The following KIFC3 variants were observed in gnomAD, a reference collection of about 807,000 sequenced individuals.
The protein encoded by KIFC3 is kinesin-like protein KIFC3.
Under a neutral mutation model 101.8 loss-of-function variants are expected in KIFC3, and 60 were observed. The ratio of observed to expected loss-of-function variants is 0.59; its 90% CI spans 0.48 to 0.73. The LOEUF (loss-of-function observed/expected upper bound fraction) is 0.73, where lower values mean the gene tolerates loss of function less well. Among genes scored for constraint, KIFC3 ranks in the 30% least tolerant of loss-of-function variants. The probability of loss-of-function intolerance (pLI) is 0.00; values close to 1 mark genes in which losing one functional copy is unlikely to be tolerated. For synonymous variants in KIFC3, 476 were observed against 482.7 expected (o/e 0.99, Z 0.18); for missense variants, 966 against 1,137.1 (o/e 0.85, Z 2.16).
intron 2 of KIFC3, among the ~76,000 whole-genome samples, chr16:57,796,005 T>C (rs1555622800): frequency 6.7e-6 from 1 of 150,230 alleles, no homozygotes; most frequent in Non-Finnish European, 1.5e-5. Context: ...GCAATTCTTA[T>C]ACCTCAGCCT....
At chr16:57,760,496 G>A (rs1179719311) in intron 16 of KIFC3, 80 bp from the exon 17 acceptor site, 5 of 1,533,142 alleles carry the variant, frequency 3.3e-6, no homozygotes, top group Non-Finnish European at 3.6e-6. Context: ...CACAGCTGGG[G>A]CCGTCAGAAG....
At chr16:57,801,602 C>T (rs2054726473) in intron 1 of KIFC3, among the ~76,000 whole-genome samples, 1 of 152,166 alleles carries the variant, frequency 6.6e-6, no homozygotes, top group Non-Finnish European at 1.5e-5. Flanking sequence ...GAGGAAAAGC[C>T]GGGGAAGGTG....
chr16:57,816,187 TTCA>T, intron 1 of KIFC3: 1 of 1,273,302 alleles, frequency 7.9e-7, no homozygotes, highest in Non-Finnish European at 1.0e-6. Context: ...CTTCTAATAG[TTCA>T]TCAAGTTCTC....
chr16:57,818,051 C>T (rs548628889), intron 1 of KIFC3, among the ~76,000 whole-genome samples: 5 of 151,078 alleles, frequency 3.3e-5, no homozygotes, highest in South Asian at 2.1e-4. Flanking sequence ...TGTTTTGAGA[C>T]AGAGTCTCAC....
intron 1 of KIFC3, among the ~76,000 whole-genome samples, chr16:57,800,888 T>C (rs1409633748): frequency 6.6e-6 from 1 of 152,020 alleles, no homozygotes. Flanking sequence ...CAACCTAGGA[T>C]TCGTGGGGGA....
chr16:57,786,155 G>A (rs1555617633), intron 3 of KIFC3, among the ~76,000 whole-genome samples: 2 of 152,176 alleles, frequency 1.3e-5, no homozygotes, highest in African/African-American at 4.8e-5. Flanking sequence ...GGGGAGCCAG[G>A]GGAGCCGTGT....
At chr16:57,812,188 G>A (rs1462061481) in intron 1 of KIFC3, among the ~76,000 whole-genome samples, 11 of 151,354 alleles carry the variant, frequency 7.3e-5, no homozygotes, top group African/African-American at 2.2e-4. Context: ...GACTACAGGC[G>A]CCCGCCACCT....
chr16:57,840,629 G>A (rs1241197701), intron 1 of KIFC3, among the ~76,000 whole-genome samples: 4 of 151,676 alleles, frequency 2.6e-5, no homozygotes, highest in Non-Finnish European at 5.9e-5. Context: ...CCATGGTGGC[G>A]CATGGCTGTA....
Position 57,762,216 on chromosome 16 carries a change from C to T in KIFC3, c.1672G>A (p.Glu558Lys), listed in dbSNP as rs782599223. ...NQRALQLLFS[E>K]VQEKASDWEY... ...CAGTCAGACGCCTTCTCCTGCACCT[C>T]GGAGAAGAGCAGCTGCAGGGCCCGC... is the stretch of plus-strand genomic sequence containing the variant. The change falls in exon 13 of 20, where the codon GAG becomes AAG. Residue 558 changes from glutamate (E) to lysine (K), a missense_variant. Around this residue, in one of 2 missense-constraint regions of KIFC3, gnomAD observed 689 missense variants for 884.6 expected, o/e 0.78. Coordinates refer to ENST00000445690, the MANE Select transcript of KIFC3 (RefSeq NM_001130100.2). 12 of 1,607,934 alleles carry T rather than the reference C, an allele frequency of 7.5e-6. 1 individual carries two copies. In the Admixed American group the frequency reaches 8.4e-5, roughly 11 times the overall value.
chr16:57,781,851 G>T, intron 3 of KIFC3: 1 of 838,120 alleles, frequency 1.2e-6, no homozygotes. Context: ...GAGGTCACCT[G>T]ACCAGTAAGT....
chr16:57,857,519 T>C (rs550250227), intron 1 of KIFC3, among the ~76,000 whole-genome samples: 2 of 152,082 alleles, frequency 1.3e-5, no homozygotes, highest in South Asian at 2.1e-4. Flanking sequence ...CTCCATTAGG[T>C]ATTTCTCCTA....
At chr16:57,782,692 C>T (rs2052864981) in intron 3 of KIFC3, among the ~76,000 whole-genome samples, 1 of 152,194 alleles carries the variant, frequency 6.6e-6, no homozygotes. Context: ...GCCTGTAATC[C>T]CAGCACCTTG....
At chr16:57,827,257 G>T (rs1304782858) in intron 1 of KIFC3, among the ~76,000 whole-genome samples, 9 of 152,244 alleles carry the variant, frequency 5.9e-5, no homozygotes, top group Non-Finnish European at 5.9e-5. Flanking sequence ...CAGTGACTTG[G>T]CAGCCAGTAG....
At chr16:57,795,542 G>C (rs923144588) in intron 2 of KIFC3, among the ~76,000 whole-genome samples, 14 of 152,232 alleles carry the variant, frequency 9.2e-5, no homozygotes, top group Non-Finnish European at 1.5e-5. Flanking sequence ...GCTGCCTCTA[G>C]GTGGCAATTT....
chr16:57,832,754 C>T (rs2055609707), intron 1 of KIFC3, among the ~76,000 whole-genome samples: 1 of 152,124 alleles, frequency 6.6e-6, no homozygotes, highest in Non-Finnish European at 1.5e-5. Flanking sequence ...AGGCACTTTC[C>T]TTTAAAAACG....
chr16:57,766,759 C>T, intron 10 of KIFC3, 115 bp downstream of exon 10: 2 of 656,586 alleles, frequency 3.0e-6, no homozygotes, highest in Non-Finnish European at 5.2e-6. Flanking sequence ...GTTTCCTTAT[C>T]TACAGAGATA....
intron 11 of KIFC3, among the ~76,000 whole-genome samples, chr16:57,764,565 T>C (rs1555601005): frequency 1.3e-5 from 2 of 152,246 alleles, no homozygotes; most frequent in African/African-American, 2.4e-5. Context: ...CTCTCTGGCC[T>C]GGGCCTGCCT....
In KIFC3 at chr16:57,792,218, G is replaced by C. The variant is rs1020447118; in HGVS notation, c.315+2781C>G. ...GGCCCTCTCGTGCACCGGCTTTCTT[G>C]GGGGGTGGGCCTTGGCAGCATCCCC... is the stretch of plus-strand genomic sequence containing the variant. On this transcript the variant is annotated intron_variant, in intron 3 of 19. Coordinates refer to ENST00000445690, the MANE Select transcript of KIFC3 (RefSeq NM_001130100.2). 3.3e-5 allele frequency among the ~76,000 whole-genome samples: 5 copies of C among 152,150 alleles called. 1 individual carries two copies. In the South Asian group the frequency reaches 8.3e-4, roughly 25 times the overall value.
upstream of KIFC3, chr16:57,802,528 C>T (rs2054808993): frequency 3.0e-6 from 3 of 985,756 alleles, no homozygotes; most frequent in Non-Finnish European, 3.6e-6. This position sits in a 1 kb window ranked among gnomAD's most constrained non-coding sequence, Gnocchi z 5.0. Flanking sequence ...TAACTCGGGC[C>T]GCGGCGCGTT....
Sources: allele counts gnomAD v4.1 joint callset (sites outside exome capture counted in the v4.1 genomes callset), GRCh38; gene constraint gnomAD v4.1.1; regional missense constraint gnomAD v4.1.1; non-coding constraint Gnocchi (gnomAD v3.1); transcripts MANE v1.5; gene names NCBI Gene and HGNC (gene_info 2026-07-23, HGNC 2026-07-21).